Variants in NSMAF observed in about 807,000 individuals in gnomAD.
NSMAF encodes the protein protein FAN.
NSMAF carries 90 observed loss-of-function variants against 134.9 expected under a neutral mutation model. The ratio of observed to expected loss-of-function variants is 0.67; its 90% confidence interval spans 0.56 to 0.79. The LOEUF (loss-of-function observed/expected upper bound fraction) is 0.79, where lower values mean the gene tolerates loss of function less well. Ranked by LOEUF, NSMAF falls within the 30% of genes least tolerant of loss-of-function variation. The probability of loss-of-function intolerance (pLI) is 0.00; values close to 1 mark genes in which losing one functional copy is unlikely to be tolerated. For synonymous variants in NSMAF, 358 were observed against 389.6 expected, an observed-to-expected ratio of 0.92 and a Z score of 0.96; for missense variants, 1,010 against 1,119.0, an observed-to-expected ratio of 0.90 and a Z score of 1.39.
chr8:58,641,977 G>A (rs533843108), intron 2 of NSMAF, among the ~76,000 whole-genome samples: 19 of 152,160 alleles, frequency 1.2e-4, no homozygotes. Context: ...AATGTTGGAA[G>A]GAAAAAAGAT....
chr8:58,620,459 A>G (rs1563534942), intron 9 of NSMAF, among the ~76,000 whole-genome samples: 1 of 152,180 alleles, frequency 6.6e-6, no homozygotes, highest in Non-Finnish European at 1.5e-5. Context: ...GGGCCATGTT[A>G]AGGTGTTTAG....
chr8:58,608,148 G>C (rs556288785), intron 10 of NSMAF, among the ~76,000 whole-genome samples: 1 of 152,324 alleles, frequency 6.6e-6, no homozygotes, highest in East Asian at 1.9e-4. Context: ...AGGTTAGATT[G>C]TGGGGTGATA....
At chr8:58,647,851 A>G (rs917875929) in intron 1 of NSMAF, among the ~76,000 whole-genome samples, 4 of 152,192 alleles carry the variant, frequency 2.6e-5, no homozygotes, top group African/African-American at 9.6e-5. Flanking sequence ...AAACAAAAAC[A>G]GACTAAGACA....
At chr8:58,637,410 A>G (rs1442838293) in intron 2 of NSMAF, 2 of 456,276 alleles carry the variant, frequency 4.4e-6, no homozygotes, top group Non-Finnish European at 8.8e-6. Flanking sequence ...GATAGAGGTA[A>G]GAAATACTGT....
In NSMAF at chr8:58,605,893, A is replaced by AG. The variant is rs779217811; in HGVS notation, c.868+33_868+34insC. 9.4e-4 allele frequency: 1,430 copies of AG among 1,514,584 alleles called. No individual in the cohort carries two copies. The East Asian group carries it at 0.023, about 25-fold the overall frequency. 93.8% of individuals were successfully genotyped at this position (1,514,584 alleles called of 1,614,324 possible). A position where few individuals can be genotyped will look rare whatever the true frequency, so the allele number is the denominator to read the frequency against. ...AGACTCAGCCTCCAAAAAAAAAAAA[A>AG]AAAGAAAGAAACAATGAAGGGTGAG... is the stretch of plus-strand genomic sequence containing the variant. On this transcript the variant is annotated intron_variant, in intron 12 of 30. Coordinates refer to ENST00000038176, the MANE Select transcript of NSMAF (RefSeq NM_003580.4).
At chr8:58,585,317 G>GTTATTTTTTTTTTTT (rs1554572269) in intron 30 of NSMAF, among the ~76,000 whole-genome samples, 1,957 of 143,924 alleles carry the variant, frequency 0.014, 48 homozygotes, top group African/African-American at 0.048. Flanking sequence ...TTGTTTCTGG[G>GTTATTTTTTTTTTTT]TTTTTTTTTT....
At chr8:58,641,363 T>G (rs1193677886) in intron 2 of NSMAF, among the ~76,000 whole-genome samples, 2 of 152,232 alleles carry the variant, frequency 1.3e-5, no homozygotes, top group Non-Finnish European at 2.9e-5. Flanking sequence ...AAGGTACATT[T>G]GGAGAAGTCC....
At chr8:58,645,113 T>TAA (rs11337086) in intron 1 of NSMAF, among the ~76,000 whole-genome samples, 6 of 130,812 alleles carry the variant, frequency 4.6e-5, no homozygotes, top group Admixed American at 7.8e-5. Context: ...AAAGTATAAT[T>TAA]AAAAAAAAAA....
Position 58,595,545 on chromosome 8 carries a change from C to G in NSMAF, c.1892+15G>C. The G allele has an allele frequency of 6.4e-7, 1 of 1,564,892 alleles. No homozygotes were observed. Among genetic ancestry groups the G allele is most frequent in the Non-Finnish European group, 8.8e-7 (1 of 1,135,116 alleles). On this transcript the variant is annotated intron_variant, in intron 22 of 30. Transcript: ENST00000038176. ...AGGACTATCAGCTGCTGAGAAGAAG[C>G]AGAGATATTCTTACTCTTTGTGGAT...
rs541391006 is a variant in NSMAF at position 58,655,001 on chromosome 8, G to GTT, written c.59+4570_59+4571dup. Among the ~76,000 whole-genome samples, 496 of 147,346 alleles carry GTT rather than the reference G, an allele frequency of 3.4e-3. 2 individuals carry two copies. Among genetic ancestry groups the GTT allele is most frequent in the African/African-American group, 0.012 (471 of 40,390 alleles). On this transcript the variant is annotated intron_variant, in intron 1 of 30. Coordinates refer to ENST00000038176, the MANE Select transcript of NSMAF (RefSeq NM_003580.4). ...AGGTGTGTGCCACCACACCCGGCTAGTTTTTTTTTTTATTTTTAGTAGAGA... is the reference window on the plus strand; with the variant it reads ...AGGTGTGTGCCACCACACCCGGCTAGTTTTTTTTTTTTTATTTTTAGTAGAGA...
At chr8:58,586,815 G>C (rs573084258) in intron 27 of NSMAF, among the ~76,000 whole-genome samples, 6 of 152,124 alleles carry the variant, frequency 3.9e-5, no homozygotes, top group African/African-American at 1.4e-4. Context: ...ATAAGCTAGG[G>C]AATACAAGAA....
intron 1 of NSMAF, among the ~76,000 whole-genome samples, chr8:58,646,635 A>G (rs1383296391): frequency 6.6e-6 from 1 of 152,172 alleles, no homozygotes; most frequent in Non-Finnish European, 1.5e-5. Flanking sequence ...GTGTTGTTAT[A>G]CCCGCTTTAA....
At chr8:58,610,391 G>A (rs1806501490) in intron 9 of NSMAF, among the ~76,000 whole-genome samples, 1 of 152,072 alleles carries the variant, frequency 6.6e-6, no homozygotes, top group Non-Finnish European at 1.5e-5. Context: ...TGAAATAACT[G>A]GGTTAAAAAT....
Position 58,605,986 on chromosome 8 carries a change from A to AG in NSMAF, c.808dup (p.Leu270ProfsTer5), listed in dbSNP as rs1164775329. The AG allele has an allele frequency of 6.3e-7, 1 of 1,599,606 alleles. No individual in the cohort carries two copies. Among genetic ancestry groups the AG allele is most frequent in the African/African-American group, 1.3e-5 (1 of 74,100 alleles). Reference sequence around the variant, plus strand: ...TCTATCTTGAGGTTCATAGAACTTTAGGTAGATGTCGGAACACAGATCATC... The same window carrying AG: ...TCTATCTTGAGGTTCATAGAACTTTAGGGTAGATGTCGGAACACAGATCATC... On this transcript the variant is annotated frameshift_variant, in exon 12 of 31. Coordinates refer to ENST00000038176, the MANE Select transcript of NSMAF (RefSeq NM_003580.4). LOFTEE classifies it high-confidence loss of function.
intron 6 of NSMAF, among the ~76,000 whole-genome samples, chr8:58,626,091 CT>C (rs1225264071): frequency 0.3 from 29,647 of 98,942 alleles, 4,509 homozygotes; most frequent in Non-Finnish European, 0.35. Context: ...TTATATAATT[CT>C]TTTTTTTTTT....
intron 23 of NSMAF, among the ~76,000 whole-genome samples, chr8:58,593,305 T>C (rs1585727539): frequency 6.6e-6 from 1 of 152,222 alleles, no homozygotes; most frequent in Admixed American, 6.5e-5. Context: ...AATTTTTTTA[T>C]ATACAATCCA....
At chr8:58,626,091 C>CGTTTT (rs1563537415) in intron 6 of NSMAF, among the ~76,000 whole-genome samples, 8 of 99,392 alleles carry the variant, frequency 8.0e-5, no homozygotes, top group Non-Finnish European at 9.6e-5. Context: ...TTATATAATT[C>CGTTTT]TTTTTTTTTT....
intron 1 of NSMAF, among the ~76,000 whole-genome samples, chr8:58,657,395 T>A (rs549071211): frequency 4.5e-4 from 66 of 147,930 alleles, no homozygotes; most frequent in Non-Finnish European, 1.6e-4. Context: ...CAACCCCTCT[T>A]CAAGTTTTCC....
rs186600752 is a variant in NSMAF, at chr8:58,617,688, T to C, written c.557+5532A>G. Reference sequence around the variant, plus strand: ...AGATACTGGAGAGGATGTGGAGAAATAGGAACACTTTTACACTGTTGGTGG... The same window carrying C: ...AGATACTGGAGAGGATGTGGAGAAACAGGAACACTTTTACACTGTTGGTGG... On this transcript the variant is annotated intron_variant, in intron 9 of 30. Transcript: ENST00000038176. Among the ~76,000 whole-genome samples the C allele has an allele frequency of 1.6e-3, 239 of 152,228 alleles. 2 individuals are homozygous for C. Among genetic ancestry groups the C allele is most frequent in the African/African-American group, 5.5e-3 (228 of 41,542 alleles).
Sources: allele counts gnomAD v4.1 joint callset (sites outside exome capture counted in the v4.1 genomes callset), GRCh38; gene constraint gnomAD v4.1.1; transcripts MANE v1.5; gene names NCBI Gene and HGNC (gene_info 2026-07-23, HGNC 2026-07-21).